ADGRL3: variants seen among roughly 807,000 people sequenced by gnomAD.
ADGRL3 encodes calcium-independent alpha-latrotoxin receptor 3.
ADGRL3 carries 62 observed loss-of-function variants against 153.5 expected under a neutral mutation model. The observed-to-expected ratio is 0.40, with a 90% CI of 0.33 to 0.50. The LOEUF is 0.50. Among genes scored for constraint, ADGRL3 ranks in the 20% least tolerant of loss-of-function variants. The pLI is 0.47. For missense variants in ADGRL3, 1,641 were observed against 1,859.4 expected (o/e 0.88, Z 2.16); for synonymous variants, 710 against 672.5 (o/e 1.06, Z -0.86).
intron 4 of ADGRL3, among the ~76,000 whole-genome samples, chr4:61,579,054 C>A (rs761364542): frequency 5.9e-5 from 9 of 151,976 alleles, no homozygotes; most frequent in Non-Finnish European, 8.8e-5. Flanking sequence ...GAAGTTTTAT[C>A]ATTTCCTTGA....
chr4:61,431,849 T>C (rs751204356), intron 2 of ADGRL3, among the ~76,000 whole-genome samples: 1 of 152,232 alleles, frequency 6.6e-6, no homozygotes, highest in Non-Finnish European at 1.5e-5. Flanking sequence ...ACTTCCTCTC[T>C]AAGTAACCTT....
chr4:61,881,752 G>A (rs556494165), intron 9 of ADGRL3, among the ~76,000 whole-genome samples: 1 of 152,188 alleles, frequency 6.6e-6, no homozygotes, highest in African/African-American at 2.4e-5. Flanking sequence ...TTATATTCTG[G>A]TATCCCTTTA....
chr4:61,743,324 CAA>C (rs752363213), intron 8 of ADGRL3, among the ~76,000 whole-genome samples: 3,626 of 50,798 alleles, frequency 0.071, 150 homozygotes, highest in African/African-American at 0.18. Flanking sequence ...GACTCCATCT[CAA>C]AAAAAAAAAA....
At chr4:61,443,492 A>G (rs2097548538) in intron 2 of ADGRL3, among the ~76,000 whole-genome samples, 1 of 152,176 alleles carries the variant, frequency 6.6e-6, no homozygotes, top group Non-Finnish European at 1.5e-5. Context: ...TATCTTATCT[A>G]AAAAGAACCC....
intron 6 of ADGRL3, among the ~76,000 whole-genome samples, chr4:61,706,772 A>G (rs903625739): frequency 6.6e-6 from 1 of 152,118 alleles, no homozygotes; most frequent in East Asian, 1.9e-4. Context: ...AACTTTTTCC[A>G]TATCGGCAAT....
chr4:61,921,413 A>G (rs1329965755), intron 13 of ADGRL3, among the ~76,000 whole-genome samples: 1 of 152,056 alleles, frequency 6.6e-6, no homozygotes, highest in South Asian at 2.1e-4. Context: ...CCAAAGCGTG[A>G]TCACTGTTAG....
chr4:61,973,152 G>A (rs927333020), intron 17 of ADGRL3, among the ~76,000 whole-genome samples: 21 of 151,772 alleles, frequency 1.4e-4, no homozygotes, highest in Middle Eastern at 3.2e-3. Context: ...TGACAATAAA[G>A]TTAGAAATAT....
chr4:61,592,640 C>T (rs2098974235), intron 5 of ADGRL3, among the ~76,000 whole-genome samples: 2 of 152,094 alleles, frequency 1.3e-5, no homozygotes, highest in African/African-American at 4.8e-5. Context: ...TTACTTATTT[C>T]TTCTCCTCTA....
At chr4:61,462,096 T>C (rs1211683765) in intron 2 of ADGRL3, among the ~76,000 whole-genome samples, 1 of 152,176 alleles carries the variant, frequency 6.6e-6, no homozygotes, top group African/African-American at 2.4e-5. Flanking sequence ...AATAGCCCTT[T>C]TGCAAACCTG....
chr4:61,261,367 T>C (rs1260299740), intron 1 of ADGRL3, among the ~76,000 whole-genome samples: 2 of 152,134 alleles, frequency 1.3e-5, no homozygotes, highest in African/African-American at 4.8e-5. Flanking sequence ...AGATGACTTA[T>C]GCTACCTAAT....
intron 9 of ADGRL3, among the ~76,000 whole-genome samples, chr4:61,841,452 A>G (rs2098031063): frequency 1.3e-5 from 2 of 152,186 alleles, no homozygotes; most frequent in Non-Finnish European, 1.5e-5. Flanking sequence ...TCTTCACACC[A>G]TTTCATCAAC....
intron 5 of ADGRL3, among the ~76,000 whole-genome samples, chr4:61,676,058 G>C (rs2095180197): frequency 6.6e-6 from 1 of 151,456 alleles, no homozygotes; most frequent in Non-Finnish European, 1.5e-5. Flanking sequence ...GTCTTTCTGT[G>C]CCTGTCTTAT....
intron 9 of ADGRL3, among the ~76,000 whole-genome samples, chr4:61,866,213 C>A (rs187608967): frequency 2.2e-4 from 33 of 152,280 alleles, no homozygotes; most frequent in Non-Finnish European, 2.9e-5. Flanking sequence ...TGTTTCTCTG[C>A]TTTGTCCTCA....
At chr4:61,608,192 A>G (rs2099039974) in intron 5 of ADGRL3, among the ~76,000 whole-genome samples, 1 of 152,152 alleles carries the variant, frequency 6.6e-6, no homozygotes, top group Admixed American at 6.6e-5. Flanking sequence ...AGCTTCCCAC[A>G]TTTGCACACA....
At chr4:61,401,974 C>T (rs2096934995) in intron 2 of ADGRL3, among the ~76,000 whole-genome samples, 1 of 151,976 alleles carries the variant, frequency 6.6e-6, no homozygotes, top group South Asian at 2.1e-4. Context: ...TTCCTAACTG[C>T]TCAGCTTCCC....
intron 2 of ADGRL3, among the ~76,000 whole-genome samples, chr4:61,428,393 G>A (rs1050561369): frequency 1.4e-4 from 22 of 152,238 alleles, no homozygotes; most frequent in African/African-American, 5.1e-4. Context: ...GTTTACCTTG[G>A]CCTACTCTTG....
Position 61,733,084 on chromosome 4 carries a change from C to A in ADGRL3, c.929C>A (p.Ala310Asp). 6.2e-7 allele frequency: 1 copy of A among 1,613,520 alleles called. No homozygotes were observed. Among genetic ancestry groups the A allele is most frequent in the South Asian group, 1.1e-5 (1 of 91,044 alleles). ...CGGACTAGGATAAAGAGTGGAGAGG[C>A]TATCATAGCAAATGCCAATTACCAT... is the stretch of plus-strand genomic sequence containing the variant. ...DLRTRIKSGE[A>D]IIANANYHDT... Residue 310 changes from alanine (A) to aspartate (D), a missense_variant, in exon 8 of 27, where the codon GCT (alanine) becomes GAT (aspartate). By Grantham distance (126) the Ala-to-Asp change is moderately radical. Coordinates refer to ENST00000683033, the MANE Select transcript of ADGRL3 (RefSeq NM_001387552.1).
intron 5 of ADGRL3, among the ~76,000 whole-genome samples, chr4:61,662,689 C>G (rs952510323): frequency 2.6e-5 from 4 of 152,220 alleles, no homozygotes; most frequent in Non-Finnish European, 5.9e-5. Flanking sequence ...CAGTGAAACC[C>G]CATCTTCAGG....
chr4:61,750,810 A>AAAAAAAAAAG (rs746270309), intron 8 of ADGRL3, among the ~76,000 whole-genome samples: 1 of 147,090 alleles, frequency 6.8e-6, no homozygotes, highest in African/African-American at 2.7e-5. Context: ...AAAAAAAAAA[A>AAAAAAAAAAG]AAGTCAAAGC....
Sources: gnomAD v4.1 joint callset for allele counts (sites outside exome capture counted in the v4.1 genomes callset) on GRCh38, gnomAD v4.1.1 for gene constraint, MANE v1.5 for transcripts, NCBI Gene and HGNC (gene_info 2026-07-23, HGNC 2026-07-21) for gene names.